AEBP2: variants seen among roughly 807,000 people sequenced by gnomAD.
AEBP2 encodes zinc finger protein AEBP2.
A neutral mutation model predicts 50.8 loss-of-function variants in AEBP2; 10 were observed. That is an observed-to-expected ratio of 0.20 (90% CI 0.12 to 0.33). The LOEUF (loss-of-function observed/expected upper bound fraction) is 0.33, where lower values mean the gene tolerates loss of function less well. Ranked by LOEUF, AEBP2 falls within the 10% of genes least tolerant of loss-of-function variation. The probability of loss-of-function intolerance (pLI) is 1.00; values close to 1 mark genes in which losing one functional copy is unlikely to be tolerated. For missense variants in AEBP2, 570 were observed against 688.0 expected (o/e 0.83, Z 1.92); for synonymous variants, 296 against 261.3 (o/e 1.13, Z -1.28).
At chr12:19,464,124 T>TA (rs1948428670) in intron 2 of AEBP2, among the ~76,000 whole-genome samples, 1 of 152,246 alleles carries the variant, frequency 6.6e-6, no homozygotes, top group South Asian at 2.1e-4. Flanking sequence ...ATGTTATACT[T>TA]ACCTATGATC....
chr12:19,494,127 TG>T lies in AEBP2; in HGVS notation c.1174+142del, dbSNP rs1379382045. The T allele has an allele frequency of 3.3e-6, 3 of 911,568 alleles. No individual in the cohort carries two copies. The African/African-American group carries it at 5.1e-5, about 16-fold the overall frequency. The allele number at this position is 911,568 out of a possible 1,614,324, so 56.5% of individuals were successfully genotyped here. A position where few individuals can be genotyped will look rare whatever the true frequency, so the allele number is the denominator to read the frequency against. ...TAGGATGCCTGTCTGTCAGTGAGAG[TG>T]AGAATTCAGTGGCACATGTTTGTAG... On this transcript the variant is annotated intron_variant, in intron 4 of 7. Coordinates refer to ENST00000266508, the MANE Select transcript of AEBP2 (RefSeq NM_153207.5).
chr12:19,422,099 G>T lies in AEBP2; in HGVS notation c.-17+17883G>T, dbSNP rs148227123. On this transcript the variant is annotated intron_variant, in intron 1 of 3. Transcript: ENST00000538425. The stretch of plus-strand genomic sequence containing the variant: ...AGAGCTTTCAGTGAGCTGAGATTGC[G>T]CCACTGCACTCTGGCCTGGGTGATA... 1.5e-3 allele frequency among the ~76,000 whole-genome samples: 224 copies of T among 152,208 alleles called. 1 individual carries two copies. Among genetic ancestry groups the T allele is most frequent in the African/African-American group, 5.1e-3 (213 of 41,532 alleles).
chr12:19,460,076 G>A (rs1948345593), intron 1 of AEBP2, among the ~76,000 whole-genome samples: 1 of 152,086 alleles, frequency 6.6e-6, no homozygotes, highest in Admixed American at 6.6e-5. Flanking sequence ...GGCCATAGTG[G>A]TGCACACCTG....
chr12:19,455,897 G>A (rs1001045164), intron 1 of AEBP2, among the ~76,000 whole-genome samples: 1 of 151,836 alleles, frequency 6.6e-6, no homozygotes, highest in Non-Finnish European at 1.5e-5. Flanking sequence ...CAATTTCTTA[G>A]ATGGTCTCAT....
At position 19,497,450 on chromosome 12, in the gene AEBP2, C is replaced by T. The variant is rs572800780; in HGVS notation, c.1175-2647C>T. On this transcript the variant is annotated intron_variant, in intron 4 of 7. Transcript: ENST00000266508. The stretch of plus-strand genomic sequence containing the variant: ...GTTAGGTTGTCAGTTTGTGATCTTT[C>T]AACCTTTTTGCTTTGTTCTGTTTTT... Among the ~76,000 whole-genome samples, 6 of 140,938 alleles carry T rather than the reference C, an allele frequency of 4.3e-5. No individual in the cohort carries two copies. In the East Asian group the frequency reaches 1.1e-3, roughly 27 times the overall value. 92.5% of individuals were successfully genotyped at this position (140,938 alleles called of 152,430 possible).
At chr12:19,510,358 G>C (rs1029517256) in intron 5 of AEBP2, among the ~76,000 whole-genome samples, 2 of 152,100 alleles carry the variant, frequency 1.3e-5, no homozygotes, top group Non-Finnish European at 2.9e-5. Flanking sequence ...TTGGAGTTGT[G>C]GGGGAGGGGC....
intron 1 of AEBP2, among the ~76,000 whole-genome samples, chr12:19,417,040 T>A (rs960763439): frequency 6.6e-6 from 1 of 151,772 alleles, no homozygotes; most frequent in African/African-American, 2.4e-5. Context: ...CGTGACTAAT[T>A]GTTTGTATTT....
At position 19,501,631 on chromosome 12, in the gene AEBP2, T is replaced by A. The variant is rs1237278463; in HGVS notation, c.1299+1410T>A. On this transcript the variant is annotated intron_variant, in intron 5 of 7. Coordinates refer to ENST00000266508, the MANE Select transcript of AEBP2 (RefSeq NM_153207.5). ...CAGCCTGGGCTACAAAGTGAGACCCTGTCTGGAAAAAAAAAAATTATATAT... is the reference window on the plus strand; with the variant it reads ...CAGCCTGGGCTACAAAGTGAGACCCAGTCTGGAAAAAAAAAAATTATATAT... Among the ~76,000 whole-genome samples the A allele has an allele frequency of 2.6e-5, 3 of 114,354 alleles. No individual in the cohort carries two copies. In the East Asian group the frequency reaches 7.0e-4, roughly 27 times the overall value. 75.0% of individuals were successfully genotyped at this position (114,354 alleles called of 152,430 possible).
chr12:19,451,059 A>G (rs1948159324), intron 1 of AEBP2, among the ~76,000 whole-genome samples: 1 of 152,198 alleles, frequency 6.6e-6, no homozygotes, highest in African/African-American at 2.4e-5. Flanking sequence ...AAAGAAAAGG[A>G]TACGAATAAC....
intron 2 of AEBP2, among the ~76,000 whole-genome samples, chr12:19,463,892 C>G (rs1436266782): frequency 6.6e-6 from 1 of 152,056 alleles, no homozygotes; most frequent in Non-Finnish European, 1.5e-5. Context: ...TCTCGAACTC[C>G]TGAACTCAGT....
intron 5 of AEBP2, among the ~76,000 whole-genome samples, chr12:19,505,323 A>G (rs1372962506): frequency 6.6e-6 from 1 of 152,212 alleles, no homozygotes; most frequent in Non-Finnish European, 1.5e-5. Flanking sequence ...TCACTTATTA[A>G]ACTGTTTTAA....
rs1225489184 is a variant in AEBP2 at position 19,429,639 on chromosome 12, G to A, written c.-17+25423G>A. Among the ~76,000 whole-genome samples the A allele has an allele frequency of 2.0e-5, 3 of 152,292 alleles. No individual in the cohort carries two copies. The East Asian group carries it at 5.8e-4, about 29-fold the overall frequency. On this transcript the variant is annotated intron_variant, in intron 1 of 3. Transcript: ENST00000538425. ...TTTCTCCACATCCTCTCCAGCACCT[G>A]TTGTTTCCTGACTTTTGAATGATTG... is the stretch of plus-strand genomic sequence containing the variant.
At chr12:19,446,726 C>T (rs1206156404) in intron 1 of AEBP2, among the ~76,000 whole-genome samples, 5 of 87,398 alleles carry the variant, frequency 5.7e-5, no homozygotes, top group Non-Finnish European at 1.1e-4. Context: ...AGCGAGACTC[C>T]GTTTCCAAAA....
chr12:19,511,152 C>A (rs759290565), intron 5 of AEBP2, among the ~76,000 whole-genome samples: 2 of 152,022 alleles, frequency 1.3e-5, no homozygotes, highest in Non-Finnish European at 2.9e-5. Context: ...AGTAAGCCTT[C>A]CAAAAGCTAT....
intron 1 of AEBP2, among the ~76,000 whole-genome samples, chr12:19,404,562 T>C (rs1422314000): frequency 6.6e-6 from 1 of 152,218 alleles, no homozygotes; most frequent in Non-Finnish European, 1.5e-5. Flanking sequence ...CACACTATTC[T>C]GTCTTTCCAA....
chr12:19,470,361 T>G (rs1037370698), intron 2 of AEBP2, among the ~76,000 whole-genome samples: 1 of 152,142 alleles, frequency 6.6e-6, no homozygotes, highest in Non-Finnish European at 1.5e-5. Context: ...TTCACCATGT[T>G]GGTCAGGCTG....
Position 19,440,377 on chromosome 12 carries a change from G to A in AEBP2, c.671+7G>A. The stretch of plus-strand genomic sequence containing the variant: ...GCATGGACTCGGAGGACAGGTCAGT[G>A]CTCTGAAGCGTTTCCCCTTCCCTTC... On this transcript the variant is annotated splice_region_variant and intron_variant, in intron 1 of 7. Transcript: ENST00000266508. 2.7e-6 allele frequency: 4 copies of A among 1,475,916 alleles called. No homozygotes were observed. The highest frequency in any genetic ancestry group is 2.9e-5 in the South Asian group (2 of 70,128). 91.4% of individuals were successfully genotyped at this position (1,475,916 alleles called of 1,614,324 possible). A position where few individuals can be genotyped will look rare whatever the true frequency, so the allele number is the denominator to read the frequency against.
intron 4 of AEBP2, among the ~76,000 whole-genome samples, chr12:19,497,725 T>C (rs1949009171): frequency 6.6e-6 from 1 of 152,184 alleles, no homozygotes; most frequent in African/African-American, 2.4e-5. Context: ...GCCTCCTGCC[T>C]TGGCCTCCCA....
intron 1 of AEBP2, among the ~76,000 whole-genome samples, chr12:19,447,276 G>C (rs1386134293): frequency 6.6e-6 from 1 of 152,164 alleles, no homozygotes; most frequent in Non-Finnish European, 1.5e-5. Flanking sequence ...TCACATTCAA[G>C]TCTTACGTTG....
Sources: allele counts gnomAD v4.1 joint callset (sites outside exome capture counted in the v4.1 genomes callset), GRCh38; gene constraint gnomAD v4.1.1; transcripts MANE v1.5; gene names NCBI Gene and HGNC (gene_info 2026-07-23, HGNC 2026-07-21).